The following LHFPL3 variants were observed in gnomAD, a reference collection of about 807,000 sequenced individuals.
LHFPL3 encodes the protein LHFPL tetraspan subfamily member 3 protein.
A neutral mutation model predicts 19.3 loss-of-function variants in LHFPL3; 5 were observed. That is an observed-to-expected ratio of 0.26 (90% CI 0.14 to 0.54). The LOEUF is 0.54. LHFPL3 is among the 20% of genes least tolerant of loss of function. The pLI, the probability that LHFPL3 is intolerant of heterozygous loss-of-function variation, is 0.94. For missense variants in LHFPL3, 249 were observed against 307.4 expected (o/e 0.81, Z 1.42); for synonymous variants, 133 against 126.2 (o/e 1.05, Z -0.36).
At chr7:104,430,427 T>TATATATATATATAC (rs1791963713) in intron 1 of LHFPL3, among the ~76,000 whole-genome samples, 1 of 12,038 alleles carries the variant, frequency 8.3e-5, no homozygotes, top group African/African-American at 2.6e-4. Context: ...TACATATATA[T>TATATATATATATAC]ATATATATAT....
chr7:104,331,272 T>A (rs1193289765), intron 1 of LHFPL3, among the ~76,000 whole-genome samples: 7 of 152,248 alleles, frequency 4.6e-5, no homozygotes, highest in Admixed American at 2.0e-4. Context: ...GACATCAATG[T>A]TTATCCTGTT....
chr7:104,886,155 G>A (rs1167154353), intron 2 of LHFPL3, among the ~76,000 whole-genome samples: 1 of 152,128 alleles, frequency 6.6e-6, no homozygotes, highest in African/African-American at 2.4e-5. Context: ...TGAAAGCTAG[G>A]ACTTACTCTC....
At chr7:104,430,311 G>T (rs1211071424) in intron 1 of LHFPL3, among the ~76,000 whole-genome samples, 1 of 141,774 alleles carries the variant, frequency 7.1e-6, no homozygotes, top group South Asian at 2.3e-4. Context: ...TCTAAAGCCT[G>T]TTTGTAGCAT....
At chr7:104,521,919 A>C (rs1794071525) in intron 1 of LHFPL3, among the ~76,000 whole-genome samples, 1 of 152,088 alleles carries the variant, frequency 6.6e-6, no homozygotes, top group African/African-American at 2.4e-5. Flanking sequence ...AGAAATAGGA[A>C]CACTCTTACA....
Position 104,507,996 on chromosome 7 carries a change from T to C in LHFPL3, c.445+178772T>C, listed in dbSNP as rs1326620810. ...GAGGATGTGGAGAAATAGGAACACT[T>C]TTACACTGTTGGTGGGACTGTAAAC... is the stretch of plus-strand genomic sequence containing the variant. On this transcript the variant is annotated intron_variant, in intron 1 of 2. Transcript: ENST00000424859. 5.8e-5 allele frequency among the ~76,000 whole-genome samples: 8 copies of C among 138,852 alleles called. No individual in the cohort carries two copies. The East Asian group carries it at 8.7e-4, about 15-fold the overall frequency. 91.1% of individuals were successfully genotyped at this position (138,852 alleles called of 152,430 possible).
chr7:104,497,908 A>G lies in LHFPL3; in HGVS notation c.445+168684A>G, dbSNP rs116168289. Reference sequence around the variant, plus strand: ...GTCCTAACCTTTTGTAGACTGATGCAAGTGACTTGTGAGAAGCCAGGAGCC... The same window carrying G: ...GTCCTAACCTTTTGTAGACTGATGCGAGTGACTTGTGAGAAGCCAGGAGCC... On this transcript the variant is annotated intron_variant, in intron 1 of 2. Transcript: ENST00000424859. Among the ~76,000 whole-genome samples the G allele has an allele frequency of 3.1e-3, 433 of 140,578 alleles. 4 individuals are homozygous for G. The highest frequency in any genetic ancestry group is 0.012 in the African/African-American group (415 of 35,694). 92.2% of individuals were successfully genotyped at this position (140,578 alleles called of 152,430 possible). A position where few individuals can be genotyped will look rare whatever the true frequency, so the allele number is the denominator to read the frequency against.
At chr7:104,692,684 A>T (rs747358833) in intron 1 of LHFPL3, among the ~76,000 whole-genome samples, 2 of 152,236 alleles carry the variant, frequency 1.3e-5, no homozygotes, top group Non-Finnish European at 2.9e-5. Context: ...GGTACACAGA[A>T]GTCAAGAATT....
chr7:104,747,210 G>T (rs1794063351), intron 2 of LHFPL3, among the ~76,000 whole-genome samples: 1 of 152,186 alleles, frequency 6.6e-6, no homozygotes, highest in South Asian at 2.1e-4. Context: ...CAAGTTCGAT[G>T]ACAGTCCCCA....
chr7:104,571,855 T>C (rs1447318547), intron 1 of LHFPL3, among the ~76,000 whole-genome samples: 2 of 152,020 alleles, frequency 1.3e-5, no homozygotes. Context: ...GGCATCCTGA[T>C]GATTCTCTGG....
intron 1 of LHFPL3, among the ~76,000 whole-genome samples, chr7:104,666,398 G>C (rs368730709): frequency 1.3e-5 from 2 of 150,182 alleles, no homozygotes; most frequent in African/African-American, 4.9e-5. Context: ...AACTTTTTTA[G>C]CTCCCATATA....
chr7:104,782,430 A>C lies in LHFPL3; in HGVS notation c.682+45519A>C, dbSNP rs1202377012. 3.3e-5 allele frequency among the ~76,000 whole-genome samples: 5 copies of C among 152,110 alleles called. No individual in the cohort carries two copies. In the South Asian group the frequency reaches 1.0e-3, roughly 32 times the overall value. ...TCAAGGGTAGTAAATATAGACCCCA[A>C]CTCTGAGTGGGAGGAAGGGACCAAG... On this transcript the variant is annotated intron_variant, in intron 2 of 2. Transcript: ENST00000424859.
intron 1 of LHFPL3, among the ~76,000 whole-genome samples, chr7:104,726,850 T>C (rs1410384941): frequency 6.6e-6 from 1 of 152,212 alleles, no homozygotes; most frequent in East Asian, 1.9e-4. Flanking sequence ...ATATATCCAG[T>C]AATGGGATTG....
chr7:104,878,397 C>T (rs1001918038), intron 2 of LHFPL3, among the ~76,000 whole-genome samples: 6 of 152,036 alleles, frequency 3.9e-5, no homozygotes, highest in Non-Finnish European at 5.9e-5. Context: ...ATATGTCAAA[C>T]ATTTTCATTA....
At chr7:104,632,509 A>G (rs1218034980) in intron 1 of LHFPL3, among the ~76,000 whole-genome samples, 1 of 152,234 alleles carries the variant, frequency 6.6e-6, no homozygotes, top group Non-Finnish European at 1.5e-5. Flanking sequence ...ACCTGATTAC[A>G]TTTTAAAAAG....
intron 1 of LHFPL3, among the ~76,000 whole-genome samples, chr7:104,669,745 C>A (rs1308316831): frequency 6.6e-6 from 1 of 152,088 alleles, no homozygotes. Flanking sequence ...CTGCTGCAGC[C>A]TTTAAAGTAT....
Position 104,880,483 on chromosome 7 carries a change from T to C in LHFPL3, c.683-25704T>C, listed in dbSNP as rs1022235339. Among the ~76,000 whole-genome samples the C allele has an allele frequency of 7.2e-5, 11 of 152,272 alleles. No homozygotes were observed. The East Asian group carries it at 2.1e-3, about 29-fold the overall frequency. On this transcript the variant is annotated intron_variant, in intron 2 of 2. Transcript: ENST00000424859. Reference sequence around the variant, plus strand: ...ACAAACGGAATAATACAGGGGCTGATACAGCTGGGGACTAAGTTGAAGCCA... The same window carrying C: ...ACAAACGGAATAATACAGGGGCTGACACAGCTGGGGACTAAGTTGAAGCCA...
intron 2 of LHFPL3, among the ~76,000 whole-genome samples, chr7:104,829,693 G>C (rs1287478036): frequency 6.6e-6 from 1 of 152,048 alleles, no homozygotes; most frequent in Non-Finnish European, 1.5e-5. Context: ...GTATTCCATG[G>C]TGTATATGTG....
At chr7:104,825,425 C>A (rs1790798664) in intron 2 of LHFPL3, among the ~76,000 whole-genome samples, 1 of 151,814 alleles carries the variant, frequency 6.6e-6, no homozygotes, top group South Asian at 2.1e-4. Flanking sequence ...AGCTCTGTTA[C>A]CTTCTAGGTC....
intron 1 of LHFPL3, among the ~76,000 whole-genome samples, chr7:104,588,110 CTTTAG>C (rs1220200150): frequency 6.6e-6 from 1 of 152,140 alleles, no homozygotes; most frequent in Non-Finnish European, 1.5e-5. Context: ...TGCAAAAGCT[CTTTAG>C]TTTAATTAGA....
Sources: gnomAD v4.1 joint callset for allele counts (sites outside exome capture counted in the v4.1 genomes callset) on GRCh38, gnomAD v4.1.1 for gene constraint, MANE v1.5 for transcripts, NCBI Gene and HGNC (gene_info 2026-07-23, HGNC 2026-07-21) for gene names.